The following ARHGAP28 variants were observed in gnomAD, a reference collection of about 807,000 sequenced individuals.
ARHGAP28 encodes the protein rho GTPase-activating protein 28.
Under a neutral mutation model 90.7 loss-of-function variants are expected in ARHGAP28, and 56 were observed. That is an observed-to-expected ratio of 0.62 (90% CI 0.50 to 0.77). The LOEUF (loss-of-function observed/expected upper bound fraction) is 0.77, where lower values mean the gene tolerates loss of function less well. ARHGAP28 is among the 30% of genes least tolerant of loss of function. ARHGAP28 has a pLI of 0.00. For missense variants in ARHGAP28, 869 were observed against 900.9 expected, an observed-to-expected ratio of 0.96 and a Z score of 0.45; for synonymous variants, 308 against 323.3, an observed-to-expected ratio of 0.95 and a Z score of 0.51.
intron 2 of ARHGAP28, among the ~76,000 whole-genome samples, chr18:6,827,917 G>A (rs1486858386): frequency 6.6e-6 from 1 of 152,040 alleles, no homozygotes; most frequent in African/African-American, 2.4e-5. Flanking sequence ...ATGGCGGCCG[G>A]GCAGAGACGC....
At chr18:6,910,717 T>G (rs1040992589) in intron 17 of ARHGAP28, among the ~76,000 whole-genome samples, 2 of 152,164 alleles carry the variant, frequency 1.3e-5, no homozygotes, top group South Asian at 4.1e-4. Context: ...GTGCTGCTCT[T>G]AGACATGGCT....
intron 1 of ARHGAP28, among the ~76,000 whole-genome samples, chr18:6,797,640 C>G (rs1325849644): frequency 6.6e-6 from 1 of 150,780 alleles, no homozygotes; most frequent in African/African-American, 2.4e-5. Context: ...CAGTGATTAA[C>G]TTTAGATGAT....
At chr18:6,881,899 A>C (rs1361359712) in intron 10 of ARHGAP28, among the ~76,000 whole-genome samples, 2 of 152,208 alleles carry the variant, frequency 1.3e-5, no homozygotes. Context: ...ATTTGTGTAG[A>C]ATTAGAAAAT....
chr18:6,766,521 G>A (rs902958758), intron 1 of ARHGAP28, among the ~76,000 whole-genome samples: 2 of 152,048 alleles, frequency 1.3e-5, no homozygotes, highest in African/African-American at 4.8e-5. Flanking sequence ...GATGCCACTG[G>A]CCCATGACTG....
In ARHGAP28 at chr18:6,876,154, A is replaced by G. The variant is rs1290243735; in HGVS notation, c.1236A>G (p.Ser412=). The G allele has an allele frequency of 6.2e-6, 10 of 1,614,016 alleles. No homozygotes were observed. The South Asian group carries it at 1.1e-4, about 18-fold the overall frequency. Residue 412 remains serine (S), a synonymous_variant, in exon 10 of 18, where the codon TCA becomes TCG. Transcript: ENST00000383472. ...AGTTTTTTGAGAAAGTTGAGGAATC[A>G]GGTCTGGAATCTGAAGGAATTTTTC... ...LQKFFEKVEE[S]GLESEGIFRL...
At chr18:6,798,355 G>A (rs761380028) in intron 1 of ARHGAP28, among the ~76,000 whole-genome samples, 7 of 151,966 alleles carry the variant, frequency 4.6e-5, no homozygotes, top group Admixed American at 6.6e-5. Flanking sequence ...CACCATGCCC[G>A]GCTAATTTTT....
chr18:6,905,090 C>A (rs1268987197), intron 16 of ARHGAP28, among the ~76,000 whole-genome samples: 1 of 151,386 alleles, frequency 6.6e-6, no homozygotes, highest in African/African-American at 2.4e-5. Flanking sequence ...TACCCTGATA[C>A]CAAAAAAAAG....
At chr18:6,879,105 C>T (rs780383563) in intron 10 of ARHGAP28, among the ~76,000 whole-genome samples, 7 of 152,136 alleles carry the variant, frequency 4.6e-5, no homozygotes, top group Non-Finnish European at 7.4e-5. Context: ...ACAGGGAACA[C>T]GCAGCTGTGG....
chr18:6,753,634 A>T (rs942565015), intron 1 of ARHGAP28, among the ~76,000 whole-genome samples: 1 of 152,236 alleles, frequency 6.6e-6, no homozygotes, highest in East Asian at 1.9e-4. Context: ...GTATTTTCCA[A>T]ATTAAATGAA....
chr18:6,846,244 T>C (rs953281319), intron 3 of ARHGAP28, among the ~76,000 whole-genome samples: 3 of 152,244 alleles, frequency 2.0e-5, no homozygotes, highest in Non-Finnish European at 2.9e-5. Context: ...GATTCTTTGC[T>C]GTTCCAAGAA....
intron 1 of ARHGAP28, chr18:6,790,259 G>T (rs2056397707): frequency 6.6e-6 from 1 of 152,158 alleles, no homozygotes; most frequent in Non-Finnish European, 1.5e-5. Flanking sequence ...TACACTTAAT[G>T]ATTTAAATCA....
chr18:6,808,588 T>C (rs998461873), intron 1 of ARHGAP28, among the ~76,000 whole-genome samples: 5 of 152,188 alleles, frequency 3.3e-5, no homozygotes, highest in Non-Finnish European at 7.3e-5. Context: ...GGATATTTTT[T>C]CGGGGGTTAC....
chr18:6,887,074 G>A, intron 11 of ARHGAP28, 83 bp from the exon 12 acceptor site: 1 of 1,265,962 alleles, frequency 7.9e-7, no homozygotes. Flanking sequence ...GAGCCCTCCT[G>A]TGCCACCAGA....
At chr18:6,878,327 A>G (rs905337092) in intron 10 of ARHGAP28, among the ~76,000 whole-genome samples, 1 of 123,212 alleles carries the variant, frequency 8.1e-6, no homozygotes, top group Non-Finnish European at 1.6e-5. Context: ...GGGGAACATC[A>G]CACTCTGGGG....
intron 1 of ARHGAP28, among the ~76,000 whole-genome samples, chr18:6,735,244 A>T (rs2055915497): frequency 6.6e-6 from 1 of 152,230 alleles, no homozygotes; most frequent in Non-Finnish European, 1.5e-5. Context: ...AGATTCCCCA[A>T]ATGTTAACAT....
chr18:6,888,704 A>G (rs2057241281), intron 12 of ARHGAP28, among the ~76,000 whole-genome samples: 1 of 152,168 alleles, frequency 6.6e-6, no homozygotes, highest in African/African-American at 2.4e-5. Context: ...CTTTCATACA[A>G]CTGAGGATGC....
At chr18:6,874,506 G>C (rs2057116016) in intron 9 of ARHGAP28, 1 of 152,134 alleles carries the variant, frequency 6.6e-6, no homozygotes, top group African/African-American at 2.4e-5. Flanking sequence ...TTATTCAACA[G>C]TGACATCCAG....
At chr18:6,860,624 G>C (rs890249716) in intron 5 of ARHGAP28, among the ~76,000 whole-genome samples, 1 of 152,190 alleles carries the variant, frequency 6.6e-6, no homozygotes, top group African/African-American at 2.4e-5. Context: ...CAAAGGTTCT[G>C]CTGGGGCAGT....
chr18:6,899,535 A>G (rs1268676102), intron 16 of ARHGAP28, among the ~76,000 whole-genome samples: 1 of 151,908 alleles, frequency 6.6e-6, no homozygotes, highest in Non-Finnish European at 1.5e-5. Flanking sequence ...CCAAACACCA[A>G]TAGAAAAAAC....
Sources: gnomAD v4.1 joint callset for allele counts (sites outside exome capture counted in the v4.1 genomes callset) on GRCh38, gnomAD v4.1.1 for gene constraint, MANE v1.5 for transcripts, NCBI Gene and HGNC (gene_info 2026-07-23, HGNC 2026-07-21) for gene names.